SV2C: variants seen among roughly 807,000 people sequenced by gnomAD.
SV2C encodes the protein synaptic vesicle glycoprotein 2C.
In SV2C, 49 loss-of-function variants were observed where a neutral mutation model predicts 79.7. That is an observed-to-expected ratio of 0.61 (90% CI 0.49 to 0.78). SV2C has a LOEUF of 0.78. SV2C is among the 30% of genes least tolerant of loss of function. The pLI, the probability that SV2C is intolerant of heterozygous loss-of-function variation, is 0.00. For synonymous variants in SV2C, 334 were observed against 333.2 expected (o/e 1.00, Z -0.03); for missense variants, 833 against 912.9 (o/e 0.91, Z 1.13).
chr5:76,217,227 G>A (rs144213761), intron 4 of SV2C, among the ~76,000 whole-genome samples: 4,288 of 152,224 alleles, frequency 0.028, 70 homozygotes, highest in Middle Eastern at 0.061. Flanking sequence ...GCCATGATGC[G>A]ATGTCCAGGC....
intron 2 of SV2C, among the ~76,000 whole-genome samples, chr5:76,174,619 A>T (rs1743465629): frequency 6.6e-6 from 1 of 152,158 alleles, no homozygotes; most frequent in African/African-American, 2.4e-5. Context: ...AATACGTCAA[A>T]TTTTTTAGGC....
the SV2C span, among the ~76,000 whole-genome samples, chr5:75,975,251 G>A: frequency 2.0e-5 from 3 of 152,286 alleles, no homozygotes; most frequent in South Asian, 6.2e-4. Context: ...AGTGCACCTA[G>A]TGAAGCCCTA....
chr5:76,341,258 C>A (rs1165373059), intron 12 of SV2C, among the ~76,000 whole-genome samples: 1 of 152,118 alleles, frequency 6.6e-6, no homozygotes, highest in Non-Finnish European at 1.5e-5. Context: ...ATATGACCAG[C>A]CACACATGGT....
intron 2 of SV2C, among the ~76,000 whole-genome samples, chr5:76,152,008 T>G (rs1036856808): frequency 2.6e-5 from 4 of 152,140 alleles, no homozygotes; most frequent in Admixed American, 6.5e-5. Context: ...TAGTGATGCC[T>G]TAGGGGGTGA....
the SV2C span, chr5:75,920,740 T>C: frequency 1.3e-6 from 1 of 773,882 alleles, no homozygotes; most frequent in South Asian, 1.4e-5. Flanking sequence ...TCCTTGAAGG[T>C]GCGGTTCAGG....
chr5:76,044,008 A>G, the SV2C span, among the ~76,000 whole-genome samples: 2 of 152,068 alleles, frequency 1.3e-5, no homozygotes, highest in Non-Finnish European at 2.9e-5. Flanking sequence ...TCAACCCATC[A>G]CCTACATATT....
At chr5:76,280,981 A>C (rs1237481809) in intron 4 of SV2C, 1 of 538,492 alleles carries the variant, frequency 1.9e-6, no homozygotes, top group African/African-American at 1.9e-5. Context: ...GCGGCCCAAC[A>C]GGAAGCAAAG....
intron 4 of SV2C, among the ~76,000 whole-genome samples, chr5:76,263,788 C>T (rs1426359401): frequency 6.6e-6 from 1 of 151,974 alleles, no homozygotes; most frequent in Admixed American, 6.6e-5. Flanking sequence ...AATATTGGCT[C>T]CCACTCTCTT....
rs554485000 is a variant in SV2C, at chr5:76,189,472, A to C, written c.581-5447A>C. Among the ~76,000 whole-genome samples the C allele has an allele frequency of 3.9e-5, 6 of 152,342 alleles. No individual in the cohort carries two copies. The East Asian group carries it at 1.2e-3, about 29-fold the overall frequency. ...CATACTTTTAGGGGTCTTCAGAGGCATGGTAGAAACCCCCTTACCTGACTA... is the reference window on the plus strand; with the variant it reads ...CATACTTTTAGGGGTCTTCAGAGGCCTGGTAGAAACCCCCTTACCTGACTA... On this transcript the variant is annotated intron_variant, in intron 2 of 12. Coordinates refer to ENST00000502798, the MANE Select transcript of SV2C (RefSeq NM_014979.4).
chr5:76,348,477 G>A (rs1232638276), intron 12 of SV2C, among the ~76,000 whole-genome samples: 2 of 152,218 alleles, frequency 1.3e-5, no homozygotes, highest in African/African-American at 4.8e-5. Flanking sequence ...TGGATTATTT[G>A]TAAGGATATG....
the SV2C span, among the ~76,000 whole-genome samples, chr5:75,871,869 T>A: frequency 0.14 from 19,733 of 140,640 alleles, 3,954 homozygotes; most frequent in African/African-American, 0.46. Flanking sequence ...GTATATATAT[T>A]TTTATTATTA....
At chr5:75,852,825 CAAA>C in the SV2C span, among the ~76,000 whole-genome samples, 1 of 81,186 alleles carries the variant, frequency 1.2e-5, no homozygotes, top group South Asian at 5.5e-4. Context: ...GACTCCGTCT[CAAA>C]AAAAAAAAAA....
At chr5:76,262,612 G>A (rs998360505) in intron 4 of SV2C, among the ~76,000 whole-genome samples, 4 of 152,202 alleles carry the variant, frequency 2.6e-5, no homozygotes, top group African/African-American at 7.2e-5. Flanking sequence ...CTGTGTTCCA[G>A]AGATTCTGGT....
At chr5:75,938,468 A>G in the SV2C span, among the ~76,000 whole-genome samples, 3 of 152,320 alleles carry the variant, frequency 2.0e-5, no homozygotes, top group African/African-American at 7.2e-5. Context: ...CCTTCTGGCA[A>G]TGGGGTTTTA....
chr5:75,885,923 A>G, the SV2C span, among the ~76,000 whole-genome samples: 89,808 of 152,018 alleles, frequency 0.59, 27,896 homozygotes, highest in African/African-American at 0.8. Context: ...AGTTGCTGCA[A>G]GACAAGAAGC....
chr5:76,278,370 G>A (rs78236175), intron 4 of SV2C, among the ~76,000 whole-genome samples: 2,051 of 152,270 alleles, frequency 0.013, 51 homozygotes, highest in African/African-American at 0.046. Flanking sequence ...ACAGGCCTAC[G>A]TGAGTGGGAT....
chr5:75,945,601 G>A, the SV2C span, among the ~76,000 whole-genome samples: 1 of 151,906 alleles, frequency 6.6e-6, no homozygotes, highest in Non-Finnish European at 1.5e-5. Flanking sequence ...TTACAGACAT[G>A]AACCACCATG....
the SV2C span, among the ~76,000 whole-genome samples, chr5:75,858,529 A>C: frequency 6.6e-6 from 1 of 152,200 alleles, no homozygotes. Context: ...GGATCTTTGC[A>C]TCAAAGTTCT....
the SV2C span, among the ~76,000 whole-genome samples, chr5:76,026,201 A>AACACACAC: frequency 0.068 from 9,489 of 139,996 alleles, 468 homozygotes; most frequent in Middle Eastern, 0.11. Context: ...CAAATTTACA[A>AACACACAC]ACACACACAC....
Sources: gnomAD v4.1 joint callset for allele counts (sites outside exome capture counted in the v4.1 genomes callset) on GRCh38, gnomAD v4.1.1 for gene constraint, MANE v1.5 for transcripts, NCBI Gene and HGNC (gene_info 2026-07-23, HGNC 2026-07-21) for gene names.